TRIM2: variants seen among roughly 807,000 people sequenced by gnomAD.
The protein encoded by TRIM2 is tripartite motif-containing protein 2.
TRIM2 carries 20 observed loss-of-function variants against 75.2 expected under a neutral mutation model. That is an observed-to-expected ratio of 0.27 (90% CI 0.19 to 0.39). The LOEUF is 0.39. TRIM2 is among the 10% of genes least tolerant of loss of function. The pLI, the probability that TRIM2 is intolerant of heterozygous loss-of-function variation, is 1.00. For synonymous variants in TRIM2, 373 were observed against 388.3 expected, an observed-to-expected ratio of 0.96 and a Z score of 0.46; for missense variants, 660 against 990.8, an observed-to-expected ratio of 0.67 and a Z score of 4.48.
At chr4:153,280,691 C>CT (rs11370926) in intron 3 of TRIM2, among the ~76,000 whole-genome samples, 59,394 of 148,104 alleles carry the variant, frequency 0.4, 13,753 homozygotes, top group African/African-American at 0.66. Context: ...CCAGCAAATT[C>CT]TTTTTTTTTT....
intron 11 of TRIM2, among the ~76,000 whole-genome samples, chr4:153,330,874 A>C (rs2149591565): frequency 6.6e-6 from 1 of 152,346 alleles, no homozygotes; most frequent in African/African-American, 2.4e-5. Flanking sequence ...GTAGAAAGGA[A>C]ATAAAAAGCT....
In TRIM2 at chr4:153,216,892, A is replaced by G. The variant is rs557442546; in HGVS notation, c.30+12332A>G. On this transcript the variant is annotated intron_variant, in intron 1 of 11. Transcript: ENST00000338700. ...ATCTAAACACTTCCTAAAGGCACCA[A>G]CCTCTTAATACTATCACATTGGCAG... Among the ~76,000 whole-genome samples, 3 of 152,198 alleles carry G rather than the reference A, an allele frequency of 2.0e-5. No homozygotes were observed. In the South Asian group the frequency reaches 6.2e-4, roughly 32 times the overall value.
chr4:153,330,706 ACT>A (rs1303405047), intron 11 of TRIM2, among the ~76,000 whole-genome samples: 2 of 152,156 alleles, frequency 1.3e-5, no homozygotes, highest in African/African-American at 4.8e-5. Context: ...GAAAACTAAG[ACT>A]CTCTCAACTT....
chr4:153,308,008 C>T, intron 6 of TRIM2: 1 of 764,750 alleles, frequency 1.3e-6, no homozygotes, highest in Non-Finnish European at 2.4e-6. Context: ...AAAGAATTTT[C>T]CAGGTCTCCT....
chr4:153,310,807 G>A (rs1438792335), intron 6 of TRIM2, among the ~76,000 whole-genome samples: 4 of 152,164 alleles, frequency 2.6e-5, no homozygotes, highest in South Asian at 2.1e-4. Context: ...TGCCTGTTTC[G>A]TTTAGCTTCT....
intron 11 of TRIM2, among the ~76,000 whole-genome samples, chr4:153,329,062 GA>G (rs761169532): frequency 1.8e-4 from 28 of 151,950 alleles, no homozygotes; most frequent in Non-Finnish European, 3.1e-4. Flanking sequence ...AAAAATCACA[GA>G]AATTTTCATA....
At chr4:153,293,579 C>T (rs1762234161) in intron 4 of TRIM2, among the ~76,000 whole-genome samples, 1 of 152,192 alleles carries the variant, frequency 6.6e-6, no homozygotes, top group South Asian at 2.1e-4. Context: ...TCCTTGTTTT[C>T]CTGCTTCCAA....
chr4:153,326,750 G>GCGGA (rs1193760355), intron 10 of TRIM2, among the ~76,000 whole-genome samples: 1 of 152,228 alleles, frequency 6.6e-6, no homozygotes, highest in African/African-American at 2.4e-5. Context: ...GGACGCCAAG[G>GCGGA]CGGACAGCTC....
rs1038547271 is a variant in TRIM2 at position 153,336,704 on chromosome 4, T to C, written c.*1738T>C. The C allele has an allele frequency of 4.1e-6, 4 of 985,066 alleles. No individual in the cohort carries two copies. Among genetic ancestry groups the C allele is most frequent in the Non-Finnish European group, 3.6e-6 (3 of 829,212 alleles). 61.0% of individuals were successfully genotyped at this position (985,066 alleles called of 1,614,324 possible). A position where few individuals can be genotyped will look rare whatever the true frequency, so the allele number is the denominator to read the frequency against. ...GCTTATTAATTTATAATTCAGTCAT[T>C]CTCTATATAGGACTTCTTAAAATTT... On this transcript the variant is annotated 3_prime_UTR_variant, in exon 12 of 12. Coordinates refer to ENST00000338700, the MANE Select transcript of TRIM2 (RefSeq NM_015271.5).
intron 1 of TRIM2, among the ~76,000 whole-genome samples, chr4:153,212,188 C>A (rs1737218906): frequency 6.6e-6 from 1 of 152,110 alleles, no homozygotes; most frequent in African/African-American, 2.4e-5. Flanking sequence ...ACATATACAC[C>A]ATGGAATACT....
rs187472812 is a variant in TRIM2 at position 153,288,280 on chromosome 4, T to C, written c.454-4702T>C. ...GGTGAAACCTTGTCTCTACTAAAAA[T>C]ACAAAAATTAGCCAGGGATGGTGGC... On this transcript the variant is annotated intron_variant, in intron 3 of 11. Transcript: ENST00000338700. 2.5e-3 allele frequency among the ~76,000 whole-genome samples: 387 copies of C among 151,942 alleles called. 1 individual carries two copies. The highest frequency in any genetic ancestry group is 4.4e-3 in the Non-Finnish European group (300 of 67,956).
chr4:153,211,132 C>T (rs1178475864), intron 1 of TRIM2, among the ~76,000 whole-genome samples: 3 of 152,152 alleles, frequency 2.0e-5, no homozygotes, highest in Non-Finnish European at 2.9e-5. Context: ...TCCATAGCGG[C>T]CATCTGCACA....
At chr4:153,191,839 T>A (rs1733221674) in intron 1 of TRIM2, among the ~76,000 whole-genome samples, 1 of 152,210 alleles carries the variant, frequency 6.6e-6, no homozygotes, top group Non-Finnish European at 1.5e-5. Context: ...CTCCTTTTCA[T>A]AAACATCCCT....
intron 6 of TRIM2, 48 bp downstream of exon 6, chr4:153,296,084 G>A: frequency 6.6e-7 from 1 of 1,503,930 alleles, no homozygotes; most frequent in Non-Finnish European, 8.9e-7. Flanking sequence ...CACTGGTTAA[G>A]GGGTAACTGG....
chr4:153,282,504 G>A (rs1361363088), intron 3 of TRIM2, among the ~76,000 whole-genome samples: 1 of 152,150 alleles, frequency 6.6e-6, no homozygotes, highest in Non-Finnish European at 1.5e-5. Flanking sequence ...ACATGCCTGA[G>A]CAACAAAGTG....
chr4:153,302,129 T>C (rs1301780947), intron 6 of TRIM2, among the ~76,000 whole-genome samples: 3 of 152,244 alleles, frequency 2.0e-5, no homozygotes, highest in African/African-American at 7.2e-5. Flanking sequence ...TTTATTTATG[T>C]TGTCTTCGGT....
chr4:153,273,270 CTT>C (rs72414117), intron 2 of TRIM2, among the ~76,000 whole-genome samples: 43 of 57,388 alleles, frequency 7.5e-4, no homozygotes, highest in East Asian at 3.2e-3. Context: ...TACAGTCACT[CTT>C]TTTTTTTTTT....
Position 153,240,526 on chromosome 4 carries a change from G to A in TRIM2, c.31-29809G>A, listed in dbSNP as rs182412030. ...GCCACTGTGAAAGGACTTAGTTTAG[G>A]GTAAATGGTGTCTTTTCCTACACTG... On this transcript the variant is annotated intron_variant, in intron 1 of 11. Coordinates refer to ENST00000338700, the MANE Select transcript of TRIM2 (RefSeq NM_015271.5). 2.0e-3 allele frequency among the ~76,000 whole-genome samples: 302 copies of A among 152,216 alleles called. 1 individual carries two copies. Among genetic ancestry groups the A allele is most frequent in the Non-Finnish European group, 3.3e-3 (222 of 68,014 alleles).
chr4:153,318,016 T>G (rs899306500), intron 8 of TRIM2, among the ~76,000 whole-genome samples: 1 of 152,258 alleles, frequency 6.6e-6, no homozygotes. Flanking sequence ...TGAGATTTTA[T>G]GTGCCACATA....
Sources: allele counts gnomAD v4.1 joint callset (sites outside exome capture counted in the v4.1 genomes callset), GRCh38; gene constraint gnomAD v4.1.1; transcripts MANE v1.5; gene names NCBI Gene and HGNC (gene_info 2026-07-23, HGNC 2026-07-21).